Variants in LRTM1 observed in about 807,000 individuals in gnomAD.
The protein encoded by LRTM1 is leucine rich repeat transmembrane protein 1.
LRTM1 carries 38 observed loss-of-function variants against 32.4 expected under a neutral mutation model. The observed-to-expected ratio is 1.17, with a 90% CI of 0.91 to 1.54. LRTM1 has a LOEUF of 1.54. Ranked by LOEUF, LRTM1 falls within the 40% of genes most tolerant of loss-of-function variation. The probability of loss-of-function intolerance (pLI) is 0.00; values close to 1 mark genes in which losing one functional copy is unlikely to be tolerated. For synonymous variants in LRTM1, 186 were observed against 169.9 expected (o/e 1.09, Z -0.74); for missense variants, 466 against 415.4 (o/e 1.12, Z -1.06).
intron 1 of LRTM1, among the ~76,000 whole-genome samples, chr3:54,966,592 G>A (rs1702156927): frequency 6.6e-6 from 1 of 152,164 alleles, no homozygotes; most frequent in Admixed American, 6.5e-5. Context: ...GTTGAGGCAG[G>A]CAGGTCACTT....
At chr3:54,932,353 G>A (rs527350293), upstream of LRTM1, among the ~76,000 whole-genome samples, 15 of 148,128 alleles carry the variant, frequency 1.0e-4, no homozygotes, top group African/African-American at 2.9e-4. Context: ...CTATAAATAC[G>A]CGTTGGTTTG....
intron 1 of LRTM1, 80 bp from the exon 2 acceptor site, chr3:54,925,295 AG>A: frequency 5.9e-6 from 7 of 1,188,408 alleles, no homozygotes; most frequent in Non-Finnish European, 8.4e-6. Context: ...TTGAATTTAC[AG>A]GTAATGTGCT....
At chr3:54,955,123 T>A (rs1214425003) in intron 1 of LRTM1, among the ~76,000 whole-genome samples, 1 of 152,100 alleles carries the variant, frequency 6.6e-6, no homozygotes, top group Non-Finnish European at 1.5e-5. Context: ...TGGGGAATCG[T>A]AGGAGAATGA....
chr3:54,936,093 T>A (rs1701321883), intron 1 of LRTM1, among the ~76,000 whole-genome samples: 1 of 152,014 alleles, frequency 6.6e-6, no homozygotes, highest in African/African-American at 2.4e-5. Context: ...AACTTCGTCA[T>A]CTGTGCAAAG....
intron 1 of LRTM1, among the ~76,000 whole-genome samples, chr3:54,956,522 G>A (rs144589075): frequency 0.018 from 2,798 of 152,142 alleles, 76 homozygotes; most frequent in African/African-American, 0.064. Flanking sequence ...TTTCAAACTC[G>A]TTACCAACCT....
At chr3:54,959,949 C>T (rs1701991230) in intron 1 of LRTM1, among the ~76,000 whole-genome samples, 1 of 151,982 alleles carries the variant, frequency 6.6e-6, no homozygotes, top group Admixed American at 6.6e-5. Context: ...TATTCCATTC[C>T]ACAACCCTGC....
chr3:54,960,954 T>G (rs1032407480), intron 1 of LRTM1, among the ~76,000 whole-genome samples: 2 of 152,232 alleles, frequency 1.3e-5, no homozygotes, highest in Non-Finnish European at 2.9e-5. Flanking sequence ...GTTATTTTCC[T>G]TGATGCTCCA....
chr3:54,944,293 T>C (rs928972929), intron 1 of LRTM1, among the ~76,000 whole-genome samples: 3 of 152,172 alleles, frequency 2.0e-5, no homozygotes, highest in African/African-American at 4.8e-5. Context: ...ATTTTTTAGG[T>C]CTTTTTGTTT....
chr3:54,926,133 A>G (rs1041709837), intron 1 of LRTM1, among the ~76,000 whole-genome samples: 1 of 152,106 alleles, frequency 6.6e-6, no homozygotes, highest in South Asian at 2.1e-4. Flanking sequence ...TCCTCACACC[A>G]TTACTGATGT....
intron 1 of LRTM1, among the ~76,000 whole-genome samples, chr3:54,954,289 C>T (rs148761184): frequency 2.6e-3 from 393 of 152,294 alleles, no homozygotes; most frequent in African/African-American, 9.0e-3. Flanking sequence ...GAAGAGCCTG[C>T]GGGAGCACGA....
At chr3:54,945,399 A>G (rs1026493112) in intron 1 of LRTM1, among the ~76,000 whole-genome samples, 1 of 152,110 alleles carries the variant, frequency 6.6e-6, no homozygotes, top group East Asian at 1.9e-4. Context: ...TTCAAATGCC[A>G]TCTCTTTTTT....
intron 2 of LRTM1, among the ~76,000 whole-genome samples, chr3:54,923,212 T>A (rs1700903979): frequency 6.6e-6 from 1 of 152,206 alleles, no homozygotes; most frequent in Admixed American, 6.5e-5. Flanking sequence ...CATCTTGGCC[T>A]TCTCTGCACA....
chr3:54,954,551 G>T (rs1013725910), intron 1 of LRTM1, among the ~76,000 whole-genome samples: 3 of 152,182 alleles, frequency 2.0e-5, no homozygotes, highest in Non-Finnish European at 2.9e-5. Flanking sequence ...GCTTCCCTTT[G>T]ATTCTCTTCC....
chr3:54,928,037 T>C lies in LRTM1; in HGVS notation c.-126A>G. 4 of 870,224 alleles carry C rather than the reference T, an allele frequency of 4.6e-6. No individual in the cohort carries two copies. Among genetic ancestry groups the C allele is most frequent in the Non-Finnish European group, 7.6e-6 (4 of 528,852 alleles). 53.9% of individuals were successfully genotyped at this position (870,224 alleles called of 1,614,324 possible). On this transcript the variant is annotated 5_prime_UTR_variant, in exon 1 of 3. Transcript: ENST00000273286. ...ATTCAGTCTTTCTGAACCCTGCCCT[T>C]GCTTTTCTTCAATGCAGAAAACAGT...
intron 1 of LRTM1, among the ~76,000 whole-genome samples, chr3:54,937,759 G>A (rs1360161106): frequency 6.6e-6 from 1 of 151,960 alleles, no homozygotes; most frequent in Non-Finnish European, 1.5e-5. Context: ...TAAAGGCATG[G>A]CATGTGTTAC....
At chr3:54,929,094 A>G (rs1026277298), upstream of LRTM1, among the ~76,000 whole-genome samples, 1 of 152,136 alleles carries the variant, frequency 6.6e-6, no homozygotes, top group Non-Finnish European at 1.5e-5. Context: ...TAATTGAGCC[A>G]TTGGGTTTGG....
In LRTM1 at chr3:54,918,756, G is replaced by T; in HGVS notation, c.741C>A (p.Pro247=). ...TCAGGACCACACCGTGGGCAGAGCC[G>T]GGCCACTGAGCCTGCGAGGACACTG... ...PDPVSSQAQW[P]GSAHGVVLRP... is the part of the protein sequence containing the mutation. Residue 247 remains proline, a synonymous_variant, in exon 3 of 3, where the codon CCC becomes CCA. Coordinates refer to ENST00000273286, the MANE Select transcript of LRTM1 (RefSeq NM_020678.4). The T allele has an allele frequency of 6.2e-7, 1 of 1,614,088 alleles. No individual in the cohort carries two copies. Among genetic ancestry groups the T allele is most frequent in the Non-Finnish European group, 8.5e-7 (1 of 1,180,008 alleles).
At chr3:54,919,209 G>A (rs1213508232) in intron 2 of LRTM1, among the ~76,000 whole-genome samples, 2 of 152,360 alleles carry the variant, frequency 1.3e-5, no homozygotes, top group East Asian at 3.9e-4. Context: ...GGGGCCGATG[G>A]TGAGGGCACA....
intron 1 of LRTM1, 105 bp downstream of exon 1, chr3:54,927,800 T>C (rs1233905344): frequency 2.4e-6 from 3 of 1,253,462 alleles, no homozygotes; most frequent in Non-Finnish European, 3.5e-6. Flanking sequence ...TCCAGTCTTT[T>C]AAGACAGACG....
Sources: allele counts gnomAD v4.1 joint callset (sites outside exome capture counted in the v4.1 genomes callset), GRCh38; gene constraint gnomAD v4.1.1; transcripts MANE v1.5; gene names NCBI Gene and HGNC (gene_info 2026-07-23, HGNC 2026-07-21).